Variants in AGBL1 observed in about 807,000 individuals in gnomAD.
AGBL1 encodes AGBL carboxypeptidase 1.
Under a neutral mutation model 118.9 loss-of-function variants are expected in AGBL1, and 130 were observed. The observed-to-expected ratio is 1.09, with a 90% CI of 0.95 to 1.26. The LOEUF is 1.26. Among genes scored for constraint, AGBL1 ranks in the 50% most tolerant of loss-of-function variants. AGBL1 has a pLI of 0.00. For synonymous variants in AGBL1, 555 were observed against 478.9 expected (o/e 1.16, Z -2.08); for missense variants, 1,584 against 1,298.1 (o/e 1.22, Z -3.38).
intron 22 of AGBL1, among the ~76,000 whole-genome samples, chr15:86,681,096 T>G (rs1019298473): frequency 6.6e-6 from 1 of 152,148 alleles, no homozygotes; most frequent in African/African-American, 2.4e-5. Flanking sequence ...TTCATTTATC[T>G]TCCTCTGAAG....
At chr15:86,437,233 A>G (rs1432290683) in intron 18 of AGBL1, among the ~76,000 whole-genome samples, 1 of 152,202 alleles carries the variant, frequency 6.6e-6, no homozygotes, top group Non-Finnish European at 1.5e-5. Flanking sequence ...AGAATTCTAA[A>G]TATCTTGGTG....
chr15:86,451,899 A>G, intron 18 of AGBL1, among the ~76,000 whole-genome samples: 1 of 152,150 alleles, frequency 6.6e-6, no homozygotes, highest in East Asian at 1.9e-4. Context: ...CTCACTGGAT[A>G]AAGTTTGAAC....
intron 21 of AGBL1, among the ~76,000 whole-genome samples, chr15:86,582,645 A>G (rs2084186264): frequency 6.6e-6 from 1 of 152,222 alleles, no homozygotes; most frequent in Admixed American, 6.5e-5. Flanking sequence ...GATTAAGAAA[A>G]TGTGGCACAT....
At position 86,389,055 on chromosome 15, in the gene AGBL1, G is replaced by A. The variant is rs375796567; in HGVS notation, c.2375-8311G>A. On this transcript the variant is annotated intron_variant, in intron 17 of 22. Coordinates refer to ENST00000614907, the MANE Select transcript of AGBL1 (RefSeq NM_001386094.1). ...AATTTTGAGAAATTAGAAATGTATC[G>A]GTAATAACTGATATAGCTTTTGAAG... Among the ~76,000 whole-genome samples, 27 of 151,958 alleles carry A rather than the reference G, an allele frequency of 1.8e-4. No individual in the cohort carries two copies. In the South Asian group the frequency reaches 3.7e-3, roughly 21 times the overall value.
At chr15:86,433,304 A>T (rs1475539193) in intron 18 of AGBL1, among the ~76,000 whole-genome samples, 1 of 73,016 alleles carries the variant, frequency 1.4e-5, no homozygotes, top group African/African-American at 6.3e-5. Flanking sequence ...GCCATTGGCC[A>T]CATAGTTAAT....
At chr15:86,274,213 A>C (rs1045160718) in intron 15 of AGBL1, among the ~76,000 whole-genome samples, 5 of 152,202 alleles carry the variant, frequency 3.3e-5, no homozygotes, top group African/African-American at 7.2e-5. Context: ...CTTAGGGCAC[A>C]CTAGAATTTT....
chr15:86,999,477 T>G (rs1020579388), intron 24 of AGBL1, among the ~76,000 whole-genome samples: 1 of 147,216 alleles, frequency 6.8e-6, no homozygotes, highest in African/African-American at 2.7e-5. Flanking sequence ...CGGTGTTTGG[T>G]TTTTTGTTCT....
chr15:86,575,236 T>C (rs192206210), intron 21 of AGBL1, among the ~76,000 whole-genome samples: 8 of 151,586 alleles, frequency 5.3e-5, no homozygotes, highest in African/African-American at 1.9e-4. Context: ...TGGTGGTGCA[T>C]GTCTGTAATT....
chr15:86,744,960 G>A (rs1200074545), intron 22 of AGBL1, among the ~76,000 whole-genome samples: 4 of 152,092 alleles, frequency 2.6e-5, no homozygotes, highest in East Asian at 1.9e-4. Flanking sequence ...GATCTCTCTC[G>A]AGAAGTACCT....
At chr15:86,969,151 C>A (rs1320988254) in intron 23 of AGBL1, among the ~76,000 whole-genome samples, 1 of 151,896 alleles carries the variant, frequency 6.6e-6, no homozygotes, top group Non-Finnish European at 1.5e-5. Context: ...AGCATCAACT[C>A]AAAATTTAAA....
intron 22 of AGBL1, among the ~76,000 whole-genome samples, chr15:86,868,799 T>C (rs997618702): frequency 6.6e-6 from 1 of 152,058 alleles, no homozygotes; most frequent in African/African-American, 2.4e-5. Context: ...ATTGGTGGGG[T>C]GACAGAAATT....
chr15:86,507,043 C>G (rs984380421), intron 18 of AGBL1, among the ~76,000 whole-genome samples: 1 of 151,868 alleles, frequency 6.6e-6, no homozygotes, highest in South Asian at 2.1e-4. Flanking sequence ...ATCCATGAGA[C>G]CTAACTATAA....
At chr15:86,714,205 A>C (rs569363648) in intron 22 of AGBL1, among the ~76,000 whole-genome samples, 1 of 152,206 alleles carries the variant, frequency 6.6e-6, no homozygotes, top group African/African-American at 2.4e-5. Flanking sequence ...AAGAAATACA[A>C]CCCATGTGCC....
intron 22 of AGBL1, among the ~76,000 whole-genome samples, chr15:86,774,084 A>T (rs34339701): frequency 0.013 from 1,925 of 152,180 alleles, 35 homozygotes; most frequent in African/African-American, 0.044. Flanking sequence ...AACAGTAACC[A>T]AGACCATCTG....
At chr15:86,527,313 GA>G (rs1466773492) in intron 19 of AGBL1, among the ~76,000 whole-genome samples, 2 of 152,170 alleles carry the variant, frequency 1.3e-5, no homozygotes, top group African/African-American at 4.8e-5. Context: ...TCTAATTGAA[GA>G]GCAGAACATT....
chr15:86,562,140 C>T (rs867798487), intron 21 of AGBL1, among the ~76,000 whole-genome samples: 32 of 152,258 alleles, frequency 2.1e-4, no homozygotes, highest in African/African-American at 2.6e-4. Flanking sequence ...ATGGAATACC[C>T]TTTATTTCTT....
chr15:86,891,429 C>G (rs1281498410), intron 22 of AGBL1, among the ~76,000 whole-genome samples: 4 of 152,054 alleles, frequency 2.6e-5, no homozygotes, highest in Non-Finnish European at 5.9e-5. Context: ...TTAGATCTGA[C>G]ATTGCACCAT....
intron 6 of AGBL1, among the ~76,000 whole-genome samples, chr15:86,233,291 T>A (rs1318497879): frequency 6.6e-6 from 1 of 152,178 alleles, no homozygotes; most frequent in Non-Finnish European, 1.5e-5. Flanking sequence ...ATTATCAAAC[T>A]GAAATCAAAC....
At chr15:86,519,523 C>A (rs2083160727) in intron 18 of AGBL1, among the ~76,000 whole-genome samples, 1 of 152,092 alleles carries the variant, frequency 6.6e-6, no homozygotes. Flanking sequence ...ACACAAAATG[C>A]CAAATGGATT....
Sources: gnomAD v4.1 joint callset for allele counts (sites outside exome capture counted in the v4.1 genomes callset) on GRCh38, gnomAD v4.1.1 for gene constraint, MANE v1.5 for transcripts, NCBI Gene and HGNC (gene_info 2026-07-23, HGNC 2026-07-21) for gene names.